Variants in ARHGAP15 observed in about 807,000 individuals in gnomAD.
ARHGAP15 encodes Rho GTPase activating protein 15.
Under a neutral mutation model 63.7 loss-of-function variants are expected in ARHGAP15, and 51 were observed. The ratio of observed to expected loss-of-function variants is 0.80; its 90% CI spans 0.64 to 1.01. The LOEUF is 1.01. ARHGAP15 is among the 50% of genes least tolerant of loss of function. ARHGAP15 has a pLI of 0.00. For synonymous variants in ARHGAP15, 191 were observed against 193.8 expected, an observed-to-expected ratio of 0.99 and a Z score of 0.12; for missense variants, 560 against 564.6, an observed-to-expected ratio of 0.99 and a Z score of 0.08.
chr2:143,242,930 A>C (rs903023564), intron 5 of ARHGAP15, among the ~76,000 whole-genome samples: 2 of 152,238 alleles, frequency 1.3e-5, no homozygotes, highest in African/African-American at 2.4e-5. Flanking sequence ...TTCGAGTTTC[A>C]AAATGATAAG....
At chr2:143,509,886 T>G (rs1257768209) in intron 9 of ARHGAP15, among the ~76,000 whole-genome samples, 1 of 151,950 alleles carries the variant, frequency 6.6e-6, no homozygotes, top group African/African-American at 2.4e-5. Flanking sequence ...CTGGGTGTGC[T>G]GGCGCATGCC....
chr2:143,394,505 C>T (rs1322102099), intron 6 of ARHGAP15, among the ~76,000 whole-genome samples: 1 of 152,172 alleles, frequency 6.6e-6, no homozygotes, highest in Non-Finnish European at 1.5e-5. Flanking sequence ...AAGTCACCAA[C>T]CCAGAGGGAT....
At chr2:143,633,569 T>C (rs936764541) in intron 12 of ARHGAP15, among the ~76,000 whole-genome samples, 1 of 152,146 alleles carries the variant, frequency 6.6e-6, no homozygotes, top group African/African-American at 2.4e-5. Context: ...CTACGTAAGG[T>C]CACTTTTTCA....
intron 13 of ARHGAP15, among the ~76,000 whole-genome samples, chr2:143,747,130 T>G (rs543504923): frequency 6.6e-6 from 1 of 152,198 alleles, no homozygotes; most frequent in Admixed American, 6.5e-5. Context: ...ACCTAATGCA[T>G]GCAGGGCTTA....
At chr2:143,568,093 T>G (rs1201204771) in intron 11 of ARHGAP15, among the ~76,000 whole-genome samples, 1 of 151,916 alleles carries the variant, frequency 6.6e-6, no homozygotes, top group Admixed American at 6.6e-5. Flanking sequence ...GCAATACCAT[T>G]CAGGACATAG....
chr2:143,573,550 G>A (rs1156471412), intron 11 of ARHGAP15, among the ~76,000 whole-genome samples: 5 of 152,132 alleles, frequency 3.3e-5, no homozygotes, highest in Non-Finnish European at 7.4e-5. Flanking sequence ...CGCCATTACT[G>A]TCTGTGCAGT....
chr2:143,497,005 T>C (rs1692844641), intron 9 of ARHGAP15, among the ~76,000 whole-genome samples: 1 of 152,206 alleles, frequency 6.6e-6, no homozygotes, highest in Non-Finnish European at 1.5e-5. Context: ...TGAAATATTG[T>C]ATTTGAGCCT....
At chr2:143,320,850 T>A (rs542902623) in intron 6 of ARHGAP15, among the ~76,000 whole-genome samples, 34 of 152,186 alleles carry the variant, frequency 2.2e-4, no homozygotes, top group Non-Finnish European at 4.1e-4. Context: ...TTCATATTGC[T>A]GCAGAGCTTT....
intron 6 of ARHGAP15, among the ~76,000 whole-genome samples, chr2:143,354,385 C>T (rs570170047): frequency 2.0e-5 from 3 of 152,228 alleles, no homozygotes; most frequent in South Asian, 2.1e-4. Context: ...TGGCTGTCTA[C>T]GAGCACACTC....
At chr2:143,710,835 AT>A (rs1684547977) in intron 13 of ARHGAP15, among the ~76,000 whole-genome samples, 1 of 152,238 alleles carries the variant, frequency 6.6e-6, no homozygotes, top group South Asian at 2.1e-4. Context: ...ACTGTACAAC[AT>A]TGAGAAAATC....
At chr2:143,605,172 G>A (rs140659349) in intron 11 of ARHGAP15, among the ~76,000 whole-genome samples, 1,838 of 152,196 alleles carry the variant, frequency 0.012, 38 homozygotes, top group African/African-American at 0.043. Context: ...TTACAGATAT[G>A]AGCCACTGCA....
chr2:143,473,733 CT>C (rs1337141166), intron 8 of ARHGAP15, among the ~76,000 whole-genome samples: 2 of 152,118 alleles, frequency 1.3e-5, no homozygotes, highest in African/African-American at 2.4e-5. Context: ...ATCCCAAATG[CT>C]TTTTTGCTAA....
chr2:143,714,643 T>TG (rs1334597448), intron 13 of ARHGAP15, among the ~76,000 whole-genome samples: 1 of 152,246 alleles, frequency 6.6e-6, no homozygotes, highest in African/African-American at 2.4e-5. Context: ...AGTCACCTTT[T>TG]GAATGCTTTG....
At chr2:143,234,850 T>C (rs1693580889) in intron 5 of ARHGAP15, among the ~76,000 whole-genome samples, 1 of 152,206 alleles carries the variant, frequency 6.6e-6, no homozygotes, top group Admixed American at 6.5e-5. Flanking sequence ...CTTCCCTCAC[T>C]GAATTCATAT....
At chr2:143,307,028 G>A (rs946054019) in intron 6 of ARHGAP15, among the ~76,000 whole-genome samples, 1 of 152,104 alleles carries the variant, frequency 6.6e-6, no homozygotes, top group Non-Finnish European at 1.5e-5. Flanking sequence ...AAACTCACTG[G>A]TGTTGGGAGA....
At chr2:143,561,249 C>T (rs1696007126) in intron 11 of ARHGAP15, among the ~76,000 whole-genome samples, 1 of 152,156 alleles carries the variant, frequency 6.6e-6, no homozygotes, top group Non-Finnish European at 1.5e-5. Context: ...TCAGTTCAGA[C>T]TCACTTGGTA....
chr2:143,142,593 T>A (rs767283326), intron 1 of ARHGAP15, among the ~76,000 whole-genome samples: 3 of 152,130 alleles, frequency 2.0e-5, no homozygotes, highest in Non-Finnish European at 2.9e-5. Context: ...TTGAATCGCA[T>A]GATGTAGGTA....
chr2:143,178,278 C>T (rs752378733), intron 2 of ARHGAP15, among the ~76,000 whole-genome samples: 1 of 152,046 alleles, frequency 6.6e-6, no homozygotes, highest in African/African-American at 2.4e-5. Flanking sequence ...GAAAAAACTT[C>T]AAAAATTATA....
chr2:143,179,781 AC>A (rs1231058681), intron 2 of ARHGAP15, among the ~76,000 whole-genome samples: 1 of 152,012 alleles, frequency 6.6e-6, no homozygotes, highest in Non-Finnish European at 1.5e-5. Flanking sequence ...AGTCCCACCT[AC>A]TTGGGAGGCT....
Sources: allele counts gnomAD v4.1 joint callset (sites outside exome capture counted in the v4.1 genomes callset), GRCh38; gene constraint gnomAD v4.1.1; transcripts MANE v1.5; gene names NCBI Gene and HGNC (gene_info 2026-07-23, HGNC 2026-07-21).